The following MAML1 variants were observed in gnomAD, a reference collection of about 807,000 sequenced individuals.
MAML1 encodes mastermind like transcriptional coactivator 1.
Under a neutral mutation model 77.1 loss-of-function variants are expected in MAML1, and 14 were observed. The observed-to-expected ratio is 0.18, with a 90% CI of 0.12 to 0.28. MAML1 has a LOEUF of 0.28. Ranked by LOEUF, MAML1 falls within the 10% of genes least tolerant of loss-of-function variation. MAML1 has a pLI of 1.00. For synonymous variants in MAML1, 516 were observed against 551.9 expected (o/e 0.93, Z 0.91); for missense variants, 1,217 against 1,327.8 (o/e 0.92, Z 1.30).
intron 1 of MAML1, among the ~76,000 whole-genome samples, chr5:179,746,484 C>T (rs1388136520): frequency 2.0e-5 from 3 of 152,114 alleles, no homozygotes; most frequent in South Asian, 4.1e-4. Flanking sequence ...AGTGATTCTC[C>T]CACCTCAGCC....
At chr5:179,750,190 A>C (rs925275600) in intron 1 of MAML1, among the ~76,000 whole-genome samples, 1 of 152,242 alleles carries the variant, frequency 6.6e-6, no homozygotes, top group African/African-American at 2.4e-5. Flanking sequence ...AATAGTAAAT[A>C]AAATTACCAA....
chr5:179,761,093 C>CAA (rs1311055423), intron 1 of MAML1, among the ~76,000 whole-genome samples: 1 of 4,852 alleles, frequency 2.1e-4, no homozygotes, highest in Non-Finnish European at 2.9e-3. Context: ...GTCTCCGTCT[C>CAA]AAAAAAAAGA....
intron 4 of MAML1, 93 bp from the exon 5 acceptor site, chr5:179,773,802 C>T (rs1419856688): frequency 7.2e-6 from 11 of 1,519,174 alleles, no homozygotes; most frequent in South Asian, 2.6e-5. Flanking sequence ...CCCAGTGTGC[C>T]GTGAACGTGA....
chr5:179,735,139 C>CA (rs1779142535), intron 1 of MAML1, among the ~76,000 whole-genome samples: 3 of 152,092 alleles, frequency 2.0e-5, no homozygotes, highest in Non-Finnish European at 4.4e-5. Flanking sequence ...CTAACCTGCA[C>CA]ATTGTACACA....
intron 1 of MAML1, among the ~76,000 whole-genome samples, chr5:179,752,003 C>T (rs1438976281): frequency 6.7e-6 from 1 of 149,248 alleles, no homozygotes; most frequent in South Asian, 2.1e-4. Context: ...GACCTTGTCT[C>T]AAAGAAAAAA....
intron 2 of MAML1, among the ~76,000 whole-genome samples, 194 bp from the exon 3 acceptor site, chr5:179,768,656 C>G (rs917896391): frequency 6.6e-6 from 1 of 152,198 alleles, no homozygotes; most frequent in Non-Finnish European, 1.5e-5. Context: ...AGTAATTGTT[C>G]GTTGCTAGGC....
At position 179,766,843 on chromosome 5, in the gene MAML1, G is replaced by C; in HGVS notation, c.1731+102G>C. On this transcript the variant is annotated intron_variant, in intron 2 of 4. Coordinates refer to ENST00000292599, the MANE Select transcript of MAML1 (RefSeq NM_014757.5). This position sits in a 1 kb window ranked among gnomAD's most constrained non-coding sequence, Gnocchi z 4.0. ...TGGATCCGAGGTAGTTGTGGGAAGAGGGAGGAGGGAATAGCTGCTGTCATC... is the reference window on the plus strand; with the variant it reads ...TGGATCCGAGGTAGTTGTGGGAAGACGGAGGAGGGAATAGCTGCTGTCATC... 3.2e-6 allele frequency: 3 copies of C among 934,808 alleles called. No individual in the cohort carries two copies. The highest frequency in any genetic ancestry group is 4.6e-6 in the Non-Finnish European group (3 of 649,324). The allele number at this position is 934,808 out of a possible 1,614,324, so 57.9% of individuals were successfully genotyped here.
chr5:179,759,536 A>C (rs1350498450), intron 1 of MAML1, among the ~76,000 whole-genome samples: 2 of 152,236 alleles, frequency 1.3e-5, no homozygotes, highest in African/African-American at 2.4e-5. Context: ...CAAATTAACA[A>C]GTTGCTACTT....
rs1272029201 is a variant in MAML1, at chr5:179,762,041, G to T, written c.316-3285G>T. 3.3e-5 allele frequency among the ~76,000 whole-genome samples: 5 copies of T among 152,212 alleles called. No individual in the cohort carries two copies. In the East Asian group the frequency reaches 9.6e-4, roughly 29 times the overall value. Reference sequence around the variant, plus strand: ...TCCTGATGAGTAGGGCTAGAAAGGGGCATTGGCTGCCAGTGTGTAAGGAGC... The same window carrying T: ...TCCTGATGAGTAGGGCTAGAAAGGGTCATTGGCTGCCAGTGTGTAAGGAGC... On this transcript the variant is annotated intron_variant, in intron 1 of 4. Transcript: ENST00000292599.
At chr5:179,756,564 A>T (rs1394842412) in intron 1 of MAML1, among the ~76,000 whole-genome samples, 1 of 152,134 alleles carries the variant, frequency 6.6e-6, no homozygotes, top group African/African-American at 2.4e-5. Flanking sequence ...TGGGAATCAG[A>T]TCAAACAGGC....
At chr5:179,755,477 T>C (rs1261142868) in intron 1 of MAML1, among the ~76,000 whole-genome samples, 1 of 151,798 alleles carries the variant, frequency 6.6e-6, no homozygotes, top group Non-Finnish European at 1.5e-5. Context: ...ACAAATGCTT[T>C]ACCACAAACA....
At chr5:179,745,848 C>A (rs1353028058) in intron 1 of MAML1, among the ~76,000 whole-genome samples, 1 of 101,088 alleles carries the variant, frequency 9.9e-6, no homozygotes, top group Admixed American at 1.4e-4. Context: ...CGACAGAGCG[C>A]AACTCCGTCT....
rs148991727 is a variant in MAML1, at chr5:179,761,173, C to T, written c.316-4153C>T. On this transcript the variant is annotated intron_variant, in intron 1 of 4. Transcript: ENST00000292599. ...CTTTAGGAGGCTGAGGCAGGAGGGT[C>T]GCTTCGGCCCAGGAGTTTGAGACTA... Among the ~76,000 whole-genome samples, 11 of 152,134 alleles carry T rather than the reference C, an allele frequency of 7.2e-5. No homozygotes were observed. The East Asian group carries it at 7.7e-4, about 11-fold the overall frequency.
chr5:179,752,648 C>T (rs1487260280), intron 1 of MAML1, among the ~76,000 whole-genome samples: 1 of 144,186 alleles, frequency 6.9e-6, no homozygotes, highest in African/African-American at 2.6e-5. Flanking sequence ...GCTCTGTCGC[C>T]CAGGCTGGAG....
chr5:179,734,805 C>T (rs1779134624), intron 1 of MAML1, among the ~76,000 whole-genome samples: 1 of 152,168 alleles, frequency 6.6e-6, no homozygotes, highest in African/African-American at 2.4e-5. Flanking sequence ...GGATCAACCA[C>T]AGCTGCACAT....
chr5:179,744,196 C>G (rs1452030205), intron 1 of MAML1, among the ~76,000 whole-genome samples: 1 of 151,816 alleles, frequency 6.6e-6, no homozygotes, highest in African/African-American at 2.4e-5. Context: ...AATTTTTTTT[C>G]TTCTTCAAGA....
rs61748799 is a variant in MAML1 at position 179,766,384 on chromosome 5, C to T, written c.1374C>T (p.Asp458=). 5.9e-3 allele frequency: 9,553 copies of T among 1,609,836 alleles called. 39 individuals carry two copies. Among genetic ancestry groups the T allele is most frequent in the Non-Finnish European group, 7.5e-3 (8,840 of 1,177,642 alleles). The change falls in exon 2 of 5, where the codon GAC becomes GAT. Residue 458 remains aspartate (D), a synonymous_variant. Transcript: ENST00000292599. The surrounding 1 kb of genome is among the most constrained non-coding windows in gnomAD (Gnocchi z 4.0). ...CCAGCCCTTCCAGCTACAAGCAAGA[C>T]TTCACTAACTCCAAACTGCTCATGA... ...KPASPSSYKQ[D]FTNSKLLMMP...
chr5:179,762,641 C>T (rs1779744110), intron 1 of MAML1, among the ~76,000 whole-genome samples: 1 of 152,326 alleles, frequency 6.6e-6, no homozygotes, highest in Non-Finnish European at 1.5e-5. Context: ...GGCAGCCAGT[C>T]TAGTATTGCT....
At chr5:179,773,795 A>G in intron 4 of MAML1, 100 bp from the exon 5 acceptor site, 3 of 1,512,952 alleles carry the variant, frequency 2.0e-6, no homozygotes, top group Non-Finnish European at 2.6e-6. Flanking sequence ...CCCTCTTCCC[A>G]GTGTGCCGTG....
Sources: allele counts gnomAD v4.1 joint callset (sites outside exome capture counted in the v4.1 genomes callset), GRCh38; gene constraint gnomAD v4.1.1; non-coding constraint Gnocchi (gnomAD v3.1); transcripts MANE v1.5; gene names NCBI Gene and HGNC (gene_info 2026-07-23, HGNC 2026-07-21).